FBXO36: variants seen among roughly 807,000 people sequenced by gnomAD.
FBXO36 encodes F-box only protein 36.
Under a neutral mutation model 17.0 loss-of-function variants are expected in FBXO36, and 18 were observed. The ratio of observed to expected loss-of-function variants is 1.06; its 90% CI spans 0.73 to 1.57. FBXO36 has a LOEUF of 1.57. Ranked by LOEUF, FBXO36 falls within the 40% of genes most tolerant of loss-of-function variation. The pLI, the probability that FBXO36 is intolerant of heterozygous loss-of-function variation, is 0.00. For synonymous variants in FBXO36, 83 were observed against 85.3 expected (o/e 0.97, Z 0.15); for missense variants, 229 against 221.9 (o/e 1.03, Z -0.20).
At chr2:229,981,629 G>T (rs1467711578) in intron 2 of FBXO36, among the ~76,000 whole-genome samples, 2 of 150,452 alleles carry the variant, frequency 1.3e-5, no homozygotes, top group Admixed American at 6.7e-5. Flanking sequence ...CTGAGCCTGG[G>T]AGGTCCAGGC....
intron 3 of FBXO36, among the ~76,000 whole-genome samples, chr2:230,006,110 T>G (rs1026430267): frequency 1.3e-5 from 2 of 148,960 alleles, no homozygotes; most frequent in Admixed American, 6.7e-5. Context: ...TTTTAGTTTT[T>G]TTTTTTTTTT....
intron 2 of FBXO36, among the ~76,000 whole-genome samples, chr2:229,993,099 T>C (rs1228840116): frequency 6.6e-6 from 1 of 152,152 alleles, no homozygotes; most frequent in East Asian, 1.9e-4. Flanking sequence ...GACTCTGGCA[T>C]AACATTATGA....
At chr2:229,990,109 TTC>T (rs927396721) in intron 2 of FBXO36, among the ~76,000 whole-genome samples, 1 of 151,626 alleles carries the variant, frequency 6.6e-6, no homozygotes. Flanking sequence ...ATTTCCTAGT[TTC>T]TCTCTCTCTC....
chr2:229,998,624 GAA>G (rs71049611), intron 3 of FBXO36, among the ~76,000 whole-genome samples: 2 of 129,982 alleles, frequency 1.5e-5, no homozygotes, highest in Non-Finnish European at 1.6e-5. Context: ...CTCAGTCTCA[GAA>G]AAAAAAAAAA....
intron 1 of FBXO36, among the ~76,000 whole-genome samples, chr2:229,938,216 CTTTTT>C (rs71049603): frequency 1.4e-5 from 1 of 73,258 alleles, no homozygotes; most frequent in Non-Finnish European, 2.4e-5. Context: ...ATACAACTTT[CTTTTT>C]TTTTTTTTTT....
At chr2:229,989,186 T>C (rs1325289945) in intron 2 of FBXO36, among the ~76,000 whole-genome samples, 1 of 152,196 alleles carries the variant, frequency 6.6e-6, no homozygotes, top group Non-Finnish European at 1.5e-5. Context: ...TCGTCAACTT[T>C]TGTATGTTGA....
chr2:229,927,586 T>C (rs2076919736), intron 1 of FBXO36, among the ~76,000 whole-genome samples: 1 of 152,180 alleles, frequency 6.6e-6, no homozygotes, highest in Non-Finnish European at 1.5e-5. Flanking sequence ...AGATACGGCC[T>C]CTTGCAGCCA....
intron 2 of FBXO36, among the ~76,000 whole-genome samples, chr2:229,983,663 TTAACACTAC>T (rs1166467161): frequency 6.6e-6 from 1 of 152,212 alleles, no homozygotes; most frequent in African/African-American, 2.4e-5. Context: ...AACATTACTC[TTAACACTAC>T]CAAGTATACA....
intron 1 of FBXO36, among the ~76,000 whole-genome samples, chr2:229,962,348 G>A (rs1181535560): frequency 6.8e-6 from 1 of 146,516 alleles, no homozygotes; most frequent in Non-Finnish European, 1.5e-5. Context: ...TCTTTTTTTT[G>A]AAACCAGGAT....
intron 1 of FBXO36, among the ~76,000 whole-genome samples, chr2:229,972,245 G>A (rs538129854): frequency 6.6e-6 from 1 of 151,960 alleles, no homozygotes; most frequent in Admixed American, 6.6e-5. Flanking sequence ...TGATCTGCCC[G>A]CCTTGGCCTC....
At chr2:229,987,207 A>T (rs2106203217) in intron 2 of FBXO36, among the ~76,000 whole-genome samples, 1 of 150,140 alleles carries the variant, frequency 6.7e-6, no homozygotes, top group South Asian at 2.1e-4. Flanking sequence ...GCGAGACTCC[A>T]TCTCAAAAAA....
chr2:229,939,712 C>G (rs1456847112), intron 1 of FBXO36, among the ~76,000 whole-genome samples: 1 of 152,204 alleles, frequency 6.6e-6, no homozygotes, highest in Non-Finnish European at 1.5e-5. Context: ...GTCTTCCACA[C>G]GTTGGTTCCC....
intron 1 of FBXO36, among the ~76,000 whole-genome samples, chr2:229,941,540 G>A (rs180685715): frequency 9.9e-5 from 15 of 152,090 alleles, no homozygotes; most frequent in South Asian, 4.1e-4. Flanking sequence ...ACTGAAATAG[G>A]TCCAGAGGAA....
At chr2:229,963,169 G>A (rs969809975) in intron 1 of FBXO36, among the ~76,000 whole-genome samples, 6 of 151,222 alleles carry the variant, frequency 4.0e-5, no homozygotes, top group South Asian at 2.1e-4. Flanking sequence ...AGGTTCAAGC[G>A]ATTCTTCTGC....
At chr2:229,945,829 C>G (rs2077023990) in intron 1 of FBXO36, among the ~76,000 whole-genome samples, 1 of 151,592 alleles carries the variant, frequency 6.6e-6, no homozygotes, top group Non-Finnish European at 1.5e-5. Context: ...TTGAGACCAG[C>G]CTGGCCAACA....
chr2:229,922,671 G>A, intron 1 of FBXO36, 62 bp downstream of exon 1: 1 of 1,559,246 alleles, frequency 6.4e-7, no homozygotes, highest in Non-Finnish European at 8.8e-7. Flanking sequence ...TTGGGGCCCG[G>A]GACGCAGGCT....
At chr2:229,971,521 G>A (rs1052958243) in intron 1 of FBXO36, among the ~76,000 whole-genome samples, 3 of 151,852 alleles carry the variant, frequency 2.0e-5, no homozygotes, top group Non-Finnish European at 2.9e-5. Flanking sequence ...GACTTAAACC[G>A]ATCAGGCTTG....
chr2:229,977,552 G>C (rs908660060), intron 2 of FBXO36, among the ~76,000 whole-genome samples: 2 of 152,124 alleles, frequency 1.3e-5, no homozygotes, highest in Non-Finnish European at 2.9e-5. Flanking sequence ...CCAGGTTCAA[G>C]TAATTCTTGT....
rs554687632 is a variant in FBXO36 at position 229,939,820 on chromosome 2, G to A, written c.96+17211G>A. On this transcript the variant is annotated intron_variant, in intron 1 of 3. Transcript: ENST00000283946. ...AGAACCGCCGGGCGCCGTGGCTCAC[G>A]CCTGTAATCCCAGCACTTTGAGAGG... Among the ~76,000 whole-genome samples, 11 of 152,236 alleles carry A rather than the reference G, an allele frequency of 7.2e-5. No homozygotes were observed. The East Asian group carries it at 2.1e-3, about 29-fold the overall frequency.
Sources: allele counts gnomAD v4.1 joint callset (sites outside exome capture counted in the v4.1 genomes callset), GRCh38; gene constraint gnomAD v4.1.1; transcripts MANE v1.5; gene names NCBI Gene and HGNC (gene_info 2026-07-23, HGNC 2026-07-21).